Variants in LHCGR observed in about 807,000 individuals in gnomAD.
LHCGR encodes luteinizing hormone/choriogonadotropin receptor.
Under a neutral mutation model 60.7 loss-of-function variants are expected in LHCGR, and 55 were observed. The observed-to-expected ratio is 0.91, with a 90% CI of 0.73 to 1.13. The LOEUF is 1.13. LHCGR is among the 50% of genes most tolerant of loss of function. LHCGR has a pLI of 0.00. For missense variants in LHCGR, 862 were observed against 836.0 expected (o/e 1.03, Z -0.38); for synonymous variants, 337 against 316.5 (o/e 1.06, Z -0.69).
chr2:48,723,708 G>A lies in LHCGR; in HGVS notation c.384-12C>T. 1.3e-6 allele frequency: 2 copies of A among 1,595,422 alleles called. No individual in the cohort carries two copies. The highest frequency in any genetic ancestry group is 3.3e-5 in the Admixed American group (2 of 60,000). On this transcript the variant is annotated splice_polypyrimidine_tract_variant and intron_variant, in intron 4 of 10. Coordinates refer to ENST00000294954, the MANE Select transcript of LHCGR (RefSeq NM_000233.4). ...TGTTACAGATGCTCCTGTGATTAGGGACAGGATAGTGGTGTGGGCAGAGAG... is the reference window on the plus strand; with the variant it reads ...TGTTACAGATGCTCCTGTGATTAGGAACAGGATAGTGGTGTGGGCAGAGAG...
In LHCGR at chr2:48,688,309, T is replaced by C. The variant is rs2104354807; in HGVS notation, c.1488A>G (p.Leu496=). The change falls in exon 11 of 11, where the codon CTA becomes CTG. Residue 496 remains leucine, a synonymous_variant. Coordinates refer to ENST00000294954, the MANE Select transcript of LHCGR (RefSeq NM_000233.4). This position sits in a 1 kb window ranked among gnomAD's most constrained non-coding sequence, Gnocchi z 5.2. The part of the protein sequence containing the change: ...IMLGGWLFSS[L]IAMLPLVGVS... ...CACCGACAAGGGGCAACATAGCAAT[T>C]AGAGAAGAAAAGAGCCATCCTCCAA... 2 of 1,614,036 alleles carry C rather than the reference T, an allele frequency of 1.2e-6. No homozygotes were observed. Among genetic ancestry groups the C allele is most frequent in the South Asian group, 1.1e-5 (1 of 91,066 alleles).
At chr2:48,710,777 G>A (rs1466614657) in intron 7 of LHCGR, among the ~76,000 whole-genome samples, 1 of 152,184 alleles carries the variant, frequency 6.6e-6, no homozygotes, top group Admixed American at 6.5e-5. Context: ...AGGTGTTTGC[G>A]AACTTTGCAG....
rs146207507 is a variant in LHCGR at position 48,741,003 on chromosome 2, G to C, written c.162-9705C>G. Among the ~76,000 whole-genome samples, 1,481 of 152,338 alleles carry C rather than the reference G, an allele frequency of 9.7e-3. 25 individuals carry two copies. Among genetic ancestry groups the C allele is most frequent in the Non-Finnish European group, 8.6e-3 (584 of 68,038 alleles). On this transcript the variant is annotated intron_variant, in intron 1 of 10. Transcript: ENST00000294954. ...ATACAGAGAAGTGCTTAAAAGAGCT[G>C]ATGGAGCTGAAAACCAAGGCTCGAG...
chr2:48,727,433 C>A (rs1668785594), intron 3 of LHCGR, among the ~76,000 whole-genome samples: 1 of 152,204 alleles, frequency 6.6e-6, no homozygotes, highest in Non-Finnish European at 1.5e-5. Flanking sequence ...AGCTAGCATG[C>A]TAGTCTTAGG....
intron 6 of LHCGR, among the ~76,000 whole-genome samples, chr2:48,715,426 G>C (rs575307591): frequency 1.8e-4 from 28 of 152,230 alleles, no homozygotes; most frequent in Non-Finnish European, 3.8e-4. Flanking sequence ...ACCCACGTGA[G>C]AAAGGGCTGT....
intron 6 of LHCGR, chr2:48,721,615 G>A: frequency 2.2e-6 from 1 of 458,124 alleles, no homozygotes; most frequent in Non-Finnish European, 4.5e-6. Context: ...AGTGCACCAA[G>A]GATACCAATT....
At chr2:48,701,475 C>G (rs1042618091) in intron 8 of LHCGR, among the ~76,000 whole-genome samples, 2 of 152,084 alleles carry the variant, frequency 1.3e-5, no homozygotes, top group African/African-American at 4.8e-5. Context: ...TTGCTGTTCC[C>G]CCTCCTGGAA....
At chr2:48,740,308 A>G (rs1000742737) in intron 1 of LHCGR, among the ~76,000 whole-genome samples, 2 of 152,260 alleles carry the variant, frequency 1.3e-5, no homozygotes, top group African/African-American at 4.8e-5. Flanking sequence ...TAAACAAAGC[A>G]GCCAGGAAGC....
chr2:48,723,605 A>T lies in LHCGR; in HGVS notation c.458+17T>A, dbSNP rs180853612. 2.5e-6 allele frequency: 4 copies of T among 1,610,024 alleles called. No homozygotes were observed. The East Asian group carries it at 8.9e-5, about 36-fold the overall frequency. On this transcript the variant is annotated intron_variant, in intron 5 of 10. Coordinates refer to ENST00000294954, the MANE Select transcript of LHCGR (RefSeq NM_000233.4). ...AAATAGGAAACTGTTATGCATAGCA[A>T]TCAGCCTGGTACTTACAGAATGAAA...
At chr2:48,745,535 C>G in intron 1 of LHCGR, among the ~76,000 whole-genome samples, 1 of 151,778 alleles carries the variant, frequency 6.6e-6, no homozygotes, top group East Asian at 1.9e-4. Context: ...AATGAGTTCA[C>G]GTCCTTTGTA....
chr2:48,751,406 G>A (rs535917114), intron 1 of LHCGR, among the ~76,000 whole-genome samples: 29 of 152,194 alleles, frequency 1.9e-4, no homozygotes, highest in Admixed American at 3.3e-4. Flanking sequence ...ATTTTAACCT[G>A]TGGTTCTTCC....
chr2:48,751,470 G>A (rs561731658), intron 1 of LHCGR, among the ~76,000 whole-genome samples: 2 of 152,154 alleles, frequency 1.3e-5, no homozygotes, highest in Non-Finnish European at 2.9e-5. Flanking sequence ...CTTGGCCCAT[G>A]AAGCCTTCCC....
intron 8 of LHCGR, among the ~76,000 whole-genome samples, chr2:48,703,661 A>G (rs1441432588): frequency 6.6e-6 from 1 of 152,108 alleles, no homozygotes; most frequent in African/African-American, 2.4e-5. Flanking sequence ...TGTGAATGGG[A>G]GTTCACTCAT....
At chr2:48,747,316 T>A (rs1315827348) in intron 1 of LHCGR, among the ~76,000 whole-genome samples, 2 of 152,156 alleles carry the variant, frequency 1.3e-5, no homozygotes, top group Non-Finnish European at 2.9e-5. Context: ...GGTCTCAAAC[T>A]CCTGACCTCA....
rs1415529896 is a variant in LHCGR, at chr2:48,710,342, T to C, written c.606-1320A>G. On this transcript the variant is annotated intron_variant, in intron 7 of 10. Transcript: ENST00000294954. ...CTCTTCTTCCTGATTCCGTTTGTTT[T>C]AATTATGTTCAGTTATAGTTATAAA... Among the ~76,000 whole-genome samples, 8 of 152,354 alleles carry C rather than the reference T, an allele frequency of 5.3e-5. No homozygotes were observed. In the South Asian group the frequency reaches 1.7e-3, roughly 32 times the overall value.
chr2:48,689,809 G>A (rs1260903057), intron 10 of LHCGR, among the ~76,000 whole-genome samples: 1 of 152,046 alleles, frequency 6.6e-6, no homozygotes, highest in Non-Finnish European at 1.5e-5. Flanking sequence ...CTGCCTCCCA[G>A]GTTCAAACGA....
Position 48,725,762 on chromosome 2 carries a change from G to C in LHCGR, c.309-12C>G, listed in dbSNP as rs772492981. 1.3e-6 allele frequency: 2 copies of C among 1,597,530 alleles called. No individual in the cohort carries two copies. Among genetic ancestry groups the C allele is most frequent in the Non-Finnish European group, 1.7e-6 (2 of 1,165,802 alleles). Reference sequence around the variant, plus strand: ...TGTTCTGGATCAGTCTGTAAAGAGAGAGGGAAAAAAAAAGCTGCTGTTTAA... The same window carrying C: ...TGTTCTGGATCAGTCTGTAAAGAGACAGGGAAAAAAAAAGCTGCTGTTTAA... On this transcript the variant is annotated splice_polypyrimidine_tract_variant and intron_variant, in intron 3 of 10. Coordinates refer to ENST00000294954, the MANE Select transcript of LHCGR (RefSeq NM_000233.4).
intron 8 of LHCGR, among the ~76,000 whole-genome samples, chr2:48,706,403 T>A (rs1282465881): frequency 6.6e-6 from 1 of 152,192 alleles, no homozygotes; most frequent in Non-Finnish European, 1.5e-5. Context: ...AGTATCTTTG[T>A]GGTGTTCTCT....
intron 8 of LHCGR, among the ~76,000 whole-genome samples, chr2:48,703,687 TAA>T (rs1667518652): frequency 6.6e-6 from 1 of 152,212 alleles, no homozygotes; most frequent in Non-Finnish European, 1.5e-5. Flanking sequence ...GGCTCTCCGT[TAA>T]TTTCTTATTG....
Sources: allele counts gnomAD v4.1 joint callset (sites outside exome capture counted in the v4.1 genomes callset), GRCh38; gene constraint gnomAD v4.1.1; non-coding constraint Gnocchi (gnomAD v3.1); transcripts MANE v1.5; gene names NCBI Gene and HGNC (gene_info 2026-07-23, HGNC 2026-07-21).